Variants in RAB7A observed in about 807,000 individuals in gnomAD.
The protein encoded by RAB7A is RAB7A, member RAS oncogene family, also known as ras-related protein Rab-7a.
In RAB7A, 2 loss-of-function variants were observed where a neutral mutation model predicts 24.5. The ratio of observed to expected loss-of-function variants is 0.08; its 90% CI spans 0.03 to 0.26. The LOEUF (loss-of-function observed/expected upper bound fraction) is 0.26, where lower values mean the gene tolerates loss of function less well. Ranked by LOEUF, RAB7A falls within the 10% of genes least tolerant of loss-of-function variation. RAB7A has a pLI of 1.00. For synonymous variants in RAB7A, 100 were observed against 95.9 expected, an observed-to-expected ratio of 1.04 and a Z score of -0.25; for missense variants, 118 against 255.7, an observed-to-expected ratio of 0.46 and a Z score of 3.67.
intron 1 of RAB7A, among the ~76,000 whole-genome samples, chr3:128,729,751 G>C (rs182468930): frequency 1.7e-3 from 265 of 152,246 alleles, no homozygotes; most frequent in Middle Eastern, 3.4e-3. Context: ...CTATGATAAA[G>C]TATTTATCTC....
At chr3:128,745,639 T>A (rs894153027) in intron 1 of RAB7A, among the ~76,000 whole-genome samples, 1 of 152,234 alleles carries the variant, frequency 6.6e-6, no homozygotes, top group African/African-American at 2.4e-5. Context: ...GTGCTGGGAT[T>A]ACCGGCCTGA....
chr3:128,730,555 ATGG>A (rs1253013085), intron 1 of RAB7A, among the ~76,000 whole-genome samples: 2 of 152,192 alleles, frequency 1.3e-5, no homozygotes, highest in African/African-American at 4.8e-5. Flanking sequence ...ACATTTCTTA[ATGG>A]TGGTGGTCAC....
intron 1 of RAB7A, among the ~76,000 whole-genome samples, chr3:128,768,612 G>A (rs2070854752): frequency 6.6e-6 from 1 of 152,036 alleles, no homozygotes; most frequent in African/African-American, 2.4e-5. Context: ...AGGCTGGAGT[G>A]TAATAGTTTG....
chr3:128,813,665 G>T lies in RAB7A; in HGVS notation c.*243G>T, dbSNP rs1933978675. 5.5e-6 allele frequency: 3 copies of T among 544,644 alleles called. No individual in the cohort carries two copies. Among genetic ancestry groups the T allele is most frequent in the Non-Finnish European group, 1.0e-5 (3 of 294,652 alleles). 33.7% of individuals were successfully genotyped at this position (544,644 alleles called of 1,614,324 possible). A position where few individuals can be genotyped will look rare whatever the true frequency, so the allele number is the denominator to read the frequency against. Reference sequence around the variant, plus strand: ...CAGCCCTTGCCCGTGATGGCTCCTTGGGGTCTGCCTGCCCACCCACATGAG... The same window carrying T: ...CAGCCCTTGCCCGTGATGGCTCCTTTGGGTCTGCCTGCCCACCCACATGAG... On this transcript the variant is annotated 3_prime_UTR_variant, in exon 6 of 6. Transcript: ENST00000265062.
At chr3:128,804,112 G>C (rs1409645530) in intron 3 of RAB7A, among the ~76,000 whole-genome samples, 1 of 138,468 alleles carries the variant, frequency 7.2e-6, no homozygotes, top group African/African-American at 2.8e-5. Flanking sequence ...GGACCTCCCT[G>C]GGCCCCCCCC....
At chr3:128,791,051 G>A (rs773934446) in intron 1 of RAB7A, among the ~76,000 whole-genome samples, 3 of 151,882 alleles carry the variant, frequency 2.0e-5, no homozygotes, top group South Asian at 2.1e-4. Context: ...TCCTGTACTC[G>A]TGCTAACCAC....
chr3:128,727,182 C>G (rs1388009714), intron 1 of RAB7A, among the ~76,000 whole-genome samples: 3 of 152,174 alleles, frequency 2.0e-5, no homozygotes, highest in African/African-American at 4.8e-5. Context: ...GACCTTTTAA[C>G]AGATCATTAT....
At chr3:128,764,060 G>T (rs2070802320) in intron 1 of RAB7A, among the ~76,000 whole-genome samples, 2 of 152,052 alleles carry the variant, frequency 1.3e-5, no homozygotes, top group Non-Finnish European at 2.9e-5. Flanking sequence ...TCTGGGCCTG[G>T]CAGGACTACA....
intron 1 of RAB7A, among the ~76,000 whole-genome samples, chr3:128,752,995 TTC>T (rs1316541483): frequency 1.3e-5 from 2 of 152,188 alleles, no homozygotes; most frequent in African/African-American, 4.8e-5. Context: ...TAAGGAAATG[TTC>T]TGTTGCATAA....
chr3:128,796,069 G>A (rs1933568285), intron 2 of RAB7A, among the ~76,000 whole-genome samples: 1 of 152,030 alleles, frequency 6.6e-6, no homozygotes, highest in African/African-American at 2.4e-5. Context: ...CGTTCTTAGT[G>A]CACCATACAG....
At chr3:128,772,241 A>C (rs1447735008) in intron 1 of RAB7A, among the ~76,000 whole-genome samples, 2 of 152,216 alleles carry the variant, frequency 1.3e-5, no homozygotes, top group African/African-American at 4.8e-5. Flanking sequence ...CCTCAGTTCT[A>C]CACAACTTAG....
chr3:128,778,120 G>T (rs1290356113), intron 1 of RAB7A, among the ~76,000 whole-genome samples: 1 of 152,148 alleles, frequency 6.6e-6, no homozygotes, highest in Non-Finnish European at 1.5e-5. Context: ...TGTTTGAAGA[G>T]TATATATTAA....
In RAB7A at chr3:128,765,046, T is replaced by TGGCTGCGCGGCGCTGGAGCGGCGGC. The variant is rs1326668083; in HGVS notation, c.-8-30311_-8-30287dup. On this transcript the variant is annotated intron_variant, in intron 1 of 5. Transcript: ENST00000265062. Reference sequence around the variant, plus strand: ...AGCAACTAAGGAGAGGTGGCGGCGGTGGCTGCGCGGCGCTGGAGCGGCGGC... The same window carrying TGGCTGCGCGGCGCTGGAGCGGCGGC: ...AGCAACTAAGGAGAGGTGGCGGCGGTGGCTGCGCGGCGCTGGAGCGGCGGCGGCTGCGCGGCGCTGGAGCGGCGGC... 230 of 1,293,002 alleles carry TGGCTGCGCGGCGCTGGAGCGGCGGC rather than the reference T, an allele frequency of 1.8e-4. 1 individual carries two copies. In the African/African-American group the frequency reaches 2.8e-3, roughly 16 times the overall value. The allele number at this position is 1,293,002 out of a possible 1,614,324, so 80.1% of individuals were successfully genotyped here. A position where few individuals can be genotyped will look rare whatever the true frequency, so the allele number is the denominator to read the frequency against.
intron 1 of RAB7A, among the ~76,000 whole-genome samples, chr3:128,741,570 G>A (rs1244097988): frequency 6.6e-6 from 1 of 151,876 alleles, no homozygotes; most frequent in Non-Finnish European, 1.5e-5. Flanking sequence ...ACGAAATAGA[G>A]ATGGTGTCTC....
intron 1 of RAB7A, among the ~76,000 whole-genome samples, chr3:128,775,843 A>G (rs2107603035): frequency 6.6e-6 from 1 of 152,226 alleles, no homozygotes; most frequent in East Asian, 1.9e-4. Flanking sequence ...CACACATTGT[A>G]GAATGGCTGT....
intron 1 of RAB7A, among the ~76,000 whole-genome samples, chr3:128,778,633 G>A (rs1933147928): frequency 6.6e-6 from 1 of 152,170 alleles, no homozygotes; most frequent in South Asian, 2.1e-4. Flanking sequence ...TTTATAAAAT[G>A]CTCAGTCATC....
At chr3:128,787,900 A>G (rs1170491188) in intron 1 of RAB7A, among the ~76,000 whole-genome samples, 1 of 152,204 alleles carries the variant, frequency 6.6e-6, no homozygotes, top group Non-Finnish European at 1.5e-5. Flanking sequence ...TTTTGTAGCG[A>G]CTGGGTTTCA....
At chr3:128,804,331 TTAA>T (rs1156466934) in intron 3 of RAB7A, among the ~76,000 whole-genome samples, 2 of 152,164 alleles carry the variant, frequency 1.3e-5, no homozygotes, top group Non-Finnish European at 2.9e-5. Context: ...GGAAAGCCCT[TTAA>T]AGTTAACTCC....
At chr3:128,744,846 T>C (rs1017123561) in intron 1 of RAB7A, among the ~76,000 whole-genome samples, 10 of 152,106 alleles carry the variant, frequency 6.6e-5, no homozygotes, top group African/African-American at 2.2e-4. Flanking sequence ...TTGATACTTC[T>C]CTGAAGTCAC....
Sources: allele counts gnomAD v4.1 joint callset (sites outside exome capture counted in the v4.1 genomes callset), GRCh38; gene constraint gnomAD v4.1.1; transcripts MANE v1.5; gene names NCBI Gene and HGNC (gene_info 2026-07-23, HGNC 2026-07-21).